ZNF8: variants seen among roughly 807,000 people sequenced by gnomAD.
ZNF8 encodes the protein zinc finger protein 272.
ZNF8 carries 9 observed loss-of-function variants against 12.2 expected under a neutral mutation model. The observed-to-expected ratio is 0.73, with a 90% CI of 0.44 to 1.28. The LOEUF (loss-of-function observed/expected upper bound fraction) is 1.28, where lower values mean the gene tolerates loss of function less well. ZNF8 is among the 50% of genes most tolerant of loss of function. The pLI, the probability that ZNF8 is intolerant of heterozygous loss-of-function variation, is 0.00. For synonymous variants in ZNF8, 274 were observed against 282.3 expected (o/e 0.97, Z 0.30); for missense variants, 664 against 729.1 (o/e 0.91, Z 1.03).
Position 58,296,241 on chromosome 19 carries a change from C to G in ZNF8, c.*705C>G, listed in dbSNP as rs1177154133. The G allele has an allele frequency of 2.0e-5, 3 of 152,206 alleles. No individual in the cohort carries two copies. The highest frequency in any genetic ancestry group is 4.4e-5 in the Non-Finnish European group (3 of 68,064). 9.4% of individuals were successfully genotyped at this position (152,206 alleles called of 1,614,324 possible). ...CCACTGGGGGCAGTTCTGTTCCTCA[C>G]CATCTTGGCAGCATGCATGGCTCCT... On this transcript the variant is annotated 3_prime_UTR_variant, in exon 4 of 4. Transcript: ENST00000621650.
chr19:58,280,003 A>G (rs936674741), intron 1 of ZNF8: 1 of 534,014 alleles, frequency 1.9e-6, no homozygotes, highest in Non-Finnish European at 2.9e-6. Context: ...CCAAATTTGC[A>G]TGAAATGCTA....
chr19:58,292,950 GTT>G (rs113810291), intron 3 of ZNF8, among the ~76,000 whole-genome samples: 8 of 142,210 alleles, frequency 5.6e-5, no homozygotes, highest in African/African-American at 7.7e-5. Flanking sequence ...TAGAGAGTCA[GTT>G]TTTTTTTTTT....
chr19:58,295,231 T>G lies in ZNF8; in HGVS notation c.1423T>G (p.Cys475Gly). The part of the protein sequence containing the change: ...RPFKCNQCGK[C>G]FIQSSHLIRH... ...CTTCAAATGTAATCAGTGTGGGAAG[T>G]GTTTCATTCAGAGCTCTCACCTCAT... The change falls in exon 4 of 4, where the codon TGT (cysteine) becomes GGT (glycine). Residue 475 changes from cysteine (C) to glycine (G), a missense_variant. Cys to Gly is a radical substitution (Grantham distance 159, BLOSUM62 -3). Transcript: ENST00000621650. 6.2e-7 allele frequency: 1 copy of G among 1,614,118 alleles called. No homozygotes were observed. The highest frequency in any genetic ancestry group is 8.5e-7 in the Non-Finnish European group (1 of 1,180,030).
intron 1 of ZNF8, among the ~76,000 whole-genome samples, chr19:58,284,444 T>G (rs1178935528): frequency 2.6e-5 from 4 of 152,240 alleles, no homozygotes; most frequent in African/African-American, 9.6e-5. Context: ...ACGAAGTGAC[T>G]GAGCCAAGAC....
At chr19:58,282,666 C>T (rs943376131) in intron 1 of ZNF8, among the ~76,000 whole-genome samples, 4 of 151,204 alleles carry the variant, frequency 2.6e-5, no homozygotes, top group Non-Finnish European at 4.4e-5. Flanking sequence ...CTCACTGTGT[C>T]GCCCAGGCTG....
rs1442444094 is a variant in ZNF8 at position 58,295,350 on chromosome 19, G to A, written c.1542G>A (p.Gln514=). Residue 514 remains glutamine (Q), a synonymous_variant, in exon 4 of 4, where the codon CAG becomes CAA. Transcript: ENST00000621650. The part of the protein sequence containing the change: ...QSSSRNSHLV[Q]HQHPNSRKSS... ...CGAGCAGGAACTCACACCTGGTTCA[G>A]CATCAACACCCGAACTCCAGAAAGA... The A allele has an allele frequency of 2.5e-6, 4 of 1,614,084 alleles. No homozygotes were observed. In the African/African-American group the frequency reaches 4.0e-5, roughly 16 times the overall value.
At chr19:58,285,632 C>T in intron 1 of ZNF8, 85 bp from the exon 2 acceptor site, 2 of 1,600,252 alleles carry the variant, frequency 1.2e-6, no homozygotes, top group South Asian at 1.1e-5. Context: ...ACAGGCCTGC[C>T]TGTTTTCTCC....
At chr19:58,293,668 G>C (rs1258061601) in intron 3 of ZNF8, among the ~76,000 whole-genome samples, 1 of 152,198 alleles carries the variant, frequency 6.6e-6, no homozygotes, top group Non-Finnish European at 1.5e-5. Context: ...ATCTGAAGAT[G>C]CTGTGCTCAG....
chr19:58,285,302 C>A (rs924611216), intron 1 of ZNF8, among the ~76,000 whole-genome samples: 1 of 152,136 alleles, frequency 6.6e-6, no homozygotes, highest in African/African-American at 2.4e-5. Flanking sequence ...GCATGTGGCC[C>A]AGCCAATTTC....
intron 3 of ZNF8, among the ~76,000 whole-genome samples, chr19:58,288,018 G>A (rs1045139128): frequency 3.7e-5 from 3 of 80,438 alleles, no homozygotes; most frequent in African/African-American, 1.6e-4. Flanking sequence ...GTTTGTTTGT[G>A]TGTCCTTTTT....
rs2051456586 is a variant in ZNF8, at chr19:58,296,528, G to A, written c.*992G>A. 1 of 152,164 alleles carries A rather than the reference G, an allele frequency of 6.6e-6. No homozygotes were observed. The highest frequency in any genetic ancestry group is 1.5e-5 in the Non-Finnish European group (1 of 68,066). The allele number at this position is 152,164 out of a possible 1,614,324, so 9.4% of individuals were successfully genotyped here. On this transcript the variant is annotated 3_prime_UTR_variant, in exon 4 of 4. Transcript: ENST00000621650. ...TCCTGCCTTAGTCCCCCGAGTAGCTGGGATTACACGCACCTGCCACCACGC... is the reference window on the plus strand; with the variant it reads ...TCCTGCCTTAGTCCCCCGAGTAGCTAGGATTACACGCACCTGCCACCACGC...
At chr19:58,282,301 C>T (rs945379189) in intron 1 of ZNF8, among the ~76,000 whole-genome samples, 1 of 152,134 alleles carries the variant, frequency 6.6e-6, no homozygotes, top group African/African-American at 2.4e-5. Context: ...AAAGAAATAA[C>T]TATACAGATT....
intron 1 of ZNF8, among the ~76,000 whole-genome samples, chr19:58,284,988 C>T (rs1400519334): frequency 6.6e-6 from 1 of 152,122 alleles, no homozygotes; most frequent in African/African-American, 2.4e-5. Context: ...AGACAGGGTC[C>T]ATGCTCCCCA....
rs1380829351 is a variant in ZNF8 at position 58,301,084 on chromosome 19, T to G, written c.*5548T>G. Reference sequence around the variant, plus strand: ...AAATCAGTCTGGTGCTTCTGAGATTTGGGCTTCAGACCCAAACAACTGCTG... The same window carrying G: ...AAATCAGTCTGGTGCTTCTGAGATTGGGGCTTCAGACCCAAACAACTGCTG... On this transcript the variant is annotated 3_prime_UTR_variant, in exon 4 of 4. Transcript: ENST00000621650. 3 of 152,298 alleles carry G rather than the reference T, an allele frequency of 2.0e-5. No individual in the cohort carries two copies. In the East Asian group the frequency reaches 5.8e-4, roughly 29 times the overall value. 9.4% of individuals were successfully genotyped at this position (152,298 alleles called of 1,614,324 possible).
chr19:58,291,983 C>T (rs930526292), intron 3 of ZNF8, among the ~76,000 whole-genome samples: 10 of 152,046 alleles, frequency 6.6e-5, no homozygotes, highest in Middle Eastern at 3.2e-3. Context: ...TGGAGAAGGG[C>T]ACAGGGTCGT....
chr19:58,285,875 A>T, intron 2 of ZNF8, 32 bp downstream of exon 2: 1 of 1,583,108 alleles, frequency 6.3e-7, no homozygotes, highest in South Asian at 1.2e-5. Flanking sequence ...GTGATAGCTG[A>T]TTCTCTCTGG....
In ZNF8 at chr19:58,299,610, A is replaced by T. The variant is rs1238217877; in HGVS notation, c.*4074A>T. The T allele has an allele frequency of 6.6e-6, 1 of 151,578 alleles. No individual in the cohort carries two copies. The highest frequency in any genetic ancestry group is 1.5e-5 in the Non-Finnish European group (1 of 67,944). The allele number at this position is 151,578 out of a possible 1,614,324, so 9.4% of individuals were successfully genotyped here. On this transcript the variant is annotated 3_prime_UTR_variant, in exon 4 of 4. Coordinates refer to ENST00000621650, the MANE Select transcript of ZNF8 (RefSeq NM_021089.3). ...CGGTGAAACCCTGTCTCTACTAAAA[A>T]TACAAAAAATTAGCCTGGCGTGGTG...
chr19:58,300,569 G>C lies in ZNF8; in HGVS notation c.*5033G>C, dbSNP rs1444199999. On this transcript the variant is annotated 3_prime_UTR_variant, in exon 4 of 4. Coordinates refer to ENST00000621650, the MANE Select transcript of ZNF8 (RefSeq NM_021089.3). ...ATTTACCTTTCTAACCTCTGTGGTGGAGACAGGTGGGAGAGAAAAGTCCTG... is the reference window on the plus strand; with the variant it reads ...ATTTACCTTTCTAACCTCTGTGGTGCAGACAGGTGGGAGAGAAAAGTCCTG... 6.6e-6 allele frequency: 1 copy of C among 152,374 alleles called. No individual in the cohort carries two copies. The highest frequency in any genetic ancestry group is 1.9e-4 in the East Asian group (1 of 5,190). The allele number at this position is 152,374 out of a possible 1,614,324, so 9.4% of individuals were successfully genotyped here.
rs1172923032 is a variant in ZNF8, at chr19:58,299,041, C to G, written c.*3505C>G. On this transcript the variant is annotated 3_prime_UTR_variant, in exon 4 of 4. Transcript: ENST00000621650. ...GCCTAGGCCAGTTTCAAACTGGGCT[C>G]AAGCGATCCTCCCACCTTGGCCATC... is the stretch of plus-strand genomic sequence containing the variant. 6.6e-6 allele frequency: 1 copy of G among 152,012 alleles called. No individual in the cohort carries two copies. The highest frequency in any genetic ancestry group is 1.5e-5 in the Non-Finnish European group (1 of 68,050). The allele number at this position is 152,012 out of a possible 1,614,324, so 9.4% of individuals were successfully genotyped here. A position where few individuals can be genotyped will look rare whatever the true frequency, so the allele number is the denominator to read the frequency against.
Sources: gnomAD v4.1 joint callset for allele counts (sites outside exome capture counted in the v4.1 genomes callset) on GRCh38, gnomAD v4.1.1 for gene constraint, MANE v1.5 for transcripts, NCBI Gene and HGNC (gene_info 2026-07-23, HGNC 2026-07-21) for gene names.